Variants in RGL1 observed in about 807,000 individuals in gnomAD.
RGL1 encodes ral guanine nucleotide dissociation stimulator like 1, also known as ral guanine nucleotide dissociation stimulator-like 1.
RGL1 carries 24 observed loss-of-function variants against 95.2 expected under a neutral mutation model. The ratio of observed to expected loss-of-function variants is 0.25; its 90% confidence interval spans 0.18 to 0.35. The LOEUF (loss-of-function observed/expected upper bound fraction) is 0.35. Ranked by LOEUF, RGL1 falls within the 10% of genes least tolerant of loss-of-function variation. The probability of loss-of-function intolerance (pLI) is 1.00; values close to 1 mark genes in which losing one functional copy is unlikely to be tolerated. For missense variants in RGL1, 715 were observed against 936.3 expected (o/e 0.76, Z 3.08); for synonymous variants, 329 against 344.9 (o/e 0.95, Z 0.51).
chr1:183,710,620 T>A (rs1655202811), intron 1 of RGL1, among the ~76,000 whole-genome samples: 1 of 152,148 alleles, frequency 6.6e-6, no homozygotes, highest in Admixed American at 6.5e-5. Flanking sequence ...CTCAGGAAAC[T>A]TACAATCATG....
intron 16 of RGL1, among the ~76,000 whole-genome samples, chr1:183,920,563 G>A (rs532725068): frequency 6.6e-6 from 1 of 152,326 alleles, no homozygotes; most frequent in East Asian, 1.9e-4. Flanking sequence ...ACCTGGGGAA[G>A]TTTAAGGAAA....
intron 1 of RGL1, among the ~76,000 whole-genome samples, chr1:183,678,996 C>A (rs11809046): frequency 0.081 from 12,317 of 152,124 alleles, 921 homozygotes; most frequent in African/African-American, 0.2. Context: ...GACGTGAGTA[C>A]CAAAGTGGAT....
At chr1:183,836,771 C>T (rs1340875179) in intron 2 of RGL1, among the ~76,000 whole-genome samples, 1 of 152,124 alleles carries the variant, frequency 6.6e-6, no homozygotes, top group Non-Finnish European at 1.5e-5. Flanking sequence ...AGAGACACTG[C>T]AGCCCAGAGG....
chr1:183,821,239 A>G (rs866419647), intron 2 of RGL1, among the ~76,000 whole-genome samples: 48 of 152,326 alleles, frequency 3.2e-4, no homozygotes, highest in African/African-American at 1.1e-3. Flanking sequence ...TTATATTTCT[A>G]CTAGACAATG....
chr1:183,718,453 C>T (rs959094906), intron 1 of RGL1, among the ~76,000 whole-genome samples: 1 of 152,092 alleles, frequency 6.6e-6, no homozygotes, highest in African/African-American at 2.4e-5. Context: ...TTCATATCAA[C>T]CTAAAATGAA....
At chr1:183,722,946 G>A (rs570841448) in intron 1 of RGL1, among the ~76,000 whole-genome samples, 1 of 152,192 alleles carries the variant, frequency 6.6e-6, no homozygotes, top group African/African-American at 2.4e-5. Context: ...TTTTAAAAAG[G>A]CAACAGTAGA....
At chr1:183,775,902 T>C (rs1332832764) in intron 2 of RGL1, among the ~76,000 whole-genome samples, 1 of 152,178 alleles carries the variant, frequency 6.6e-6, no homozygotes, top group Non-Finnish European at 1.5e-5. Flanking sequence ...GTAGTAATAG[T>C]ACCATGATTA....
At chr1:183,842,736 G>A (rs1365272945) in intron 2 of RGL1, among the ~76,000 whole-genome samples, 1 of 152,206 alleles carries the variant, frequency 6.6e-6, no homozygotes, top group African/African-American at 2.4e-5. Flanking sequence ...TCAGGCCTCC[G>A]TGTCTTGCTT....
intron 3 of RGL1, among the ~76,000 whole-genome samples, chr1:183,853,788 T>C (rs114508727): frequency 0.019 from 2,832 of 152,282 alleles, 80 homozygotes; most frequent in African/African-American, 0.06. Context: ...TCTTTCCAAG[T>C]GTACAATATC....
chr1:183,660,966 G>A (rs1225045651), intron 1 of RGL1, among the ~76,000 whole-genome samples: 64 of 152,072 alleles, frequency 4.2e-4, no homozygotes, highest in Non-Finnish European at 5.0e-4. Flanking sequence ...TACTGGGTAC[G>A]TAACGAAATG....
At chr1:183,893,118 A>T (rs1667512362) in intron 9 of RGL1, among the ~76,000 whole-genome samples, 1 of 152,232 alleles carries the variant, frequency 6.6e-6, no homozygotes, top group African/African-American at 2.4e-5. Flanking sequence ...AAGGTAAATT[A>T]GTAGTTCAGT....
intron 2 of RGL1, among the ~76,000 whole-genome samples, chr1:183,794,152 C>T (rs1660578996): frequency 6.6e-6 from 1 of 151,506 alleles, no homozygotes; most frequent in Non-Finnish European, 1.5e-5. Context: ...GTGGATGGAA[C>T]TAGAGGTCAG....
intron 9 of RGL1, among the ~76,000 whole-genome samples, chr1:183,892,928 C>G (rs945360317): frequency 3.3e-5 from 5 of 152,150 alleles, no homozygotes; most frequent in African/African-American, 1.2e-4. Flanking sequence ...TGTAGATAGC[C>G]AAGACTCAGA....
intron 15 of RGL1, 126 bp downstream of exon 15, chr1:183,912,394 A>C: frequency 1.3e-6 from 1 of 768,154 alleles, no homozygotes; most frequent in Non-Finnish European, 2.0e-6. Flanking sequence ...TGTTTTGAAC[A>C]GGCATCAAAA....
intron 1 of RGL1, among the ~76,000 whole-genome samples, chr1:183,650,311 G>A (rs1650632639): frequency 1.3e-5 from 2 of 152,130 alleles, no homozygotes; most frequent in South Asian, 4.1e-4. Context: ...TGGGAGGCCA[G>A]GGTGGGCGGA....
chr1:183,638,388 A>G (rs1000687974), intron 1 of RGL1, among the ~76,000 whole-genome samples: 2 of 152,204 alleles, frequency 1.3e-5, no homozygotes, highest in Non-Finnish European at 2.9e-5. Context: ...CCTAGTACAT[A>G]ATAGGTACTC....
chr1:183,860,157 T>A (rs540253139), intron 3 of RGL1, among the ~76,000 whole-genome samples: 1 of 152,286 alleles, frequency 6.6e-6, no homozygotes, highest in African/African-American at 2.4e-5. Flanking sequence ...AGTCCTTGAG[T>A]CAGCAGCTTC....
At chr1:183,695,530 T>C (rs1654202393) in intron 1 of RGL1, among the ~76,000 whole-genome samples, 1 of 152,244 alleles carries the variant, frequency 6.6e-6, no homozygotes, top group African/African-American at 2.4e-5. Flanking sequence ...GGCTATGGAA[T>C]GTATATTTTA....
intron 2 of RGL1, among the ~76,000 whole-genome samples, chr1:183,765,616 C>A (rs1658923208): frequency 6.6e-6 from 1 of 152,190 alleles, no homozygotes; most frequent in Non-Finnish European, 1.5e-5. Flanking sequence ...AACACATCAG[C>A]CTTTCAATTA....
Sources: gnomAD v4.1 joint callset for allele counts (sites outside exome capture counted in the v4.1 genomes callset) on GRCh38, gnomAD v4.1.1 for gene constraint, MANE v1.5 for transcripts, NCBI Gene and HGNC (gene_info 2026-07-23, HGNC 2026-07-21) for gene names.